The following METRNL variants were observed in gnomAD, a reference collection of about 807,000 sequenced individuals.
METRNL encodes the protein meteorin-like protein.
In METRNL, 9 loss-of-function variants were observed where a neutral mutation model predicts 17.4. The observed-to-expected ratio is 0.52, with a 90% CI of 0.31 to 0.90. METRNL has a LOEUF of 0.90. Among genes scored for constraint, METRNL ranks in the 40% least tolerant of loss-of-function variants. The pLI is 0.05. For missense variants in METRNL, 408 were observed against 430.7 expected, an observed-to-expected ratio of 0.95 and a Z score of 0.47; for synonymous variants, 215 against 199.3, an observed-to-expected ratio of 1.08 and a Z score of -0.66.
intron 2 of METRNL, among the ~76,000 whole-genome samples, chr17:83,086,262 C>G (rs1191031653): frequency 1.3e-5 from 2 of 152,208 alleles, no homozygotes; most frequent in African/African-American, 2.4e-5. Context: ...TCTCTGAAAT[C>G]TCTCCCAGGT....
chr17:83,080,667 C>T (rs2037974860), intron 1 of METRNL, among the ~76,000 whole-genome samples: 4 of 146,808 alleles, frequency 2.7e-5, no homozygotes, highest in Admixed American at 1.3e-4. Flanking sequence ...CCGCGACTGC[C>T]CCTCGGGAGC....
intron 3 of METRNL, among the ~76,000 whole-genome samples, chr17:83,093,975 G>A (rs2038171316): frequency 6.6e-6 from 1 of 152,244 alleles, no homozygotes; most frequent in Admixed American, 6.5e-5. Flanking sequence ...GGCACCCTGT[G>A]TATCAGCTGG....
At chr17:83,085,457 G>C in intron 2 of METRNL, 134 bp downstream of exon 2, 1 of 1,246,888 alleles carries the variant, frequency 8.0e-7, no homozygotes, top group Non-Finnish European at 1.1e-6. Flanking sequence ...CTGTGCTTCG[G>C]ACATGACTGT....
At chr17:83,085,734 G>A (rs960329219) in intron 2 of METRNL, among the ~76,000 whole-genome samples, 1 of 152,342 alleles carries the variant, frequency 6.6e-6, no homozygotes, top group Admixed American at 6.5e-5. Flanking sequence ...TGTGGCGGCC[G>A]GGCCAGTGCT....
intron 1 of METRNL, among the ~76,000 whole-genome samples, chr17:83,082,847 A>G (rs2038005521): frequency 1.3e-5 from 2 of 152,224 alleles, no homozygotes; most frequent in Non-Finnish European, 1.5e-5. Flanking sequence ...TTTTGTCTAC[A>G]CGGGTCTTGC....
chr17:83,090,562 G>C (rs1312604984), intron 2 of METRNL, among the ~76,000 whole-genome samples: 1 of 133,660 alleles, frequency 7.5e-6, no homozygotes, highest in Non-Finnish European at 1.6e-5. Context: ...TGGACTTCCG[G>C]CACCTCCTGC....
chr17:83,093,700 C>T (rs1212605860), intron 3 of METRNL, among the ~76,000 whole-genome samples: 1 of 152,198 alleles, frequency 6.6e-6, no homozygotes, highest in Admixed American at 6.5e-5. Context: ...GCTCCAGCCC[C>T]TTTGCTTGTG....
At chr17:83,089,142 G>C (rs534701353) in intron 2 of METRNL, among the ~76,000 whole-genome samples, 1 of 152,108 alleles carries the variant, frequency 6.6e-6, no homozygotes, top group Non-Finnish European at 1.5e-5. Context: ...CGGCCGCAGC[G>C]CGACGGTGAT....
chr17:83,079,678 C>G lies in METRNL; in HGVS notation c.-138C>G, dbSNP rs2143600134. On this transcript the variant is annotated 5_prime_UTR_variant, in exon 1 of 4. Transcript: ENST00000320095. Reference sequence around the variant, plus strand: ...CCAGCGGGCCGGGATGGGCGGGCGGCCGCGCGGAGGACGCGGGGGGCGCGC... The same window carrying G: ...CCAGCGGGCCGGGATGGGCGGGCGGGCGCGCGGAGGACGCGGGGGGCGCGC... 1 of 218,142 alleles carries G rather than the reference C, an allele frequency of 4.6e-6. No individual in the cohort carries two copies. Among genetic ancestry groups the G allele is most frequent in the Non-Finnish European group, 7.6e-6 (1 of 131,416 alleles). 13.5% of individuals were successfully genotyped at this position (218,142 alleles called of 1,614,324 possible). A position where few individuals can be genotyped will look rare whatever the true frequency, so the allele number is the denominator to read the frequency against.
At chr17:83,090,139 C>CACACA (rs1568338518) in intron 2 of METRNL, among the ~76,000 whole-genome samples, 1 of 143,296 alleles carries the variant, frequency 7.0e-6, no homozygotes. Flanking sequence ...GAGCCACACA[C>CACACA]CCCCGCCCCG....
At position 83,094,562 on chromosome 17, in the gene METRNL, T is replaced by C. The variant is rs1232209500; in HGVS notation, c.923T>C (p.Val308Ala). 3 of 1,482,916 alleles carry C rather than the reference T, an allele frequency of 2.0e-6. No homozygotes were observed. Among genetic ancestry groups the C allele is most frequent in the South Asian group, 1.4e-5 (1 of 71,478 alleles). The allele number at this position is 1,482,916 out of a possible 1,614,324, so 91.9% of individuals were successfully genotyped here. A position where few individuals can be genotyped will look rare whatever the true frequency, so the allele number is the denominator to read the frequency against. ...AQERGLNPCE[V>A]GTD The stretch of plus-strand genomic sequence containing the variant: ...GAGAGGGGGCTGAACCCTTGTGAGG[T>C]TGGCACGGACTGACTCCGTGGGCCG... Residue 308 changes from valine to alanine, a missense_variant, in exon 4 of 4, where the codon GTT (valine) becomes GCT (alanine). Coordinates refer to ENST00000320095, the MANE Select transcript of METRNL (RefSeq NM_001004431.3).
Position 83,093,182 on chromosome 17 carries a change from G to A in METRNL, c.572G>A (p.Cys191Tyr). The A allele has an allele frequency of 6.2e-7, 1 of 1,608,284 alleles. No individual in the cohort carries two copies. Residue 191 changes from cysteine to tyrosine, a missense_variant, in exon 3 of 4, where the codon TGC becomes TAC. By Grantham distance (194) the Cys-to-Tyr change is radical. Coordinates refer to ENST00000320095, the MANE Select transcript of METRNL (RefSeq NM_001004431.3). ...LHELSAPCRP[C>Y]SDTEVLLAVC... ...TCTTCTCCAGCGCCGTGCCGTCCCT[G>A]CAGTGACACCGAGGTGCTCCTAGCC... is the stretch of plus-strand genomic sequence containing the variant.
intron 2 of METRNL, chr17:83,092,418 G>A (rs372800950): frequency 2.6e-4 from 40 of 152,380 alleles, no homozygotes; most frequent in Admixed American, 6.5e-4. Flanking sequence ...CTGCCGTCGC[G>A]ACCCAGGGAA....
chr17:83,093,120 A>C (rs1483592907), intron 2 of METRNL, 47 bp from the exon 3 acceptor site: 1 of 1,556,072 alleles, frequency 6.4e-7, no homozygotes, highest in East Asian at 2.2e-5. Flanking sequence ...GGCGTTCCAG[A>C]GCCTGTCCCG....
At chr17:83,081,130 G>A (rs1298240952) in intron 1 of METRNL, among the ~76,000 whole-genome samples, 2 of 151,812 alleles carry the variant, frequency 1.3e-5, no homozygotes, top group African/African-American at 4.8e-5. Context: ...CGGCTGTCCC[G>A]GGAGCGGCCG....
chr17:83,085,217 C>T lies in METRNL; in HGVS notation c.450C>T (p.Gly150=), dbSNP rs777143731. The T allele has an allele frequency of 1.9e-6, 3 of 1,602,454 alleles. No homozygotes were observed. The highest frequency in any genetic ancestry group is 2.6e-6 in the Non-Finnish European group (3 of 1,173,220). ...RVQCFGLEQG[G]LFVEATPQQD... ...AGTGTTTTGGCCTGGAGCAGGGCGG[C>T]CTGTTCGTGGAGGCCACGCCGCAGC... The change falls in exon 2 of 4, where the codon GGC becomes GGT. Residue 150 remains glycine, a synonymous_variant. Coordinates refer to ENST00000320095, the MANE Select transcript of METRNL (RefSeq NM_001004431.3).
intron 1 of METRNL, chr17:83,082,368 C>T (rs934708098): frequency 4.1e-6 from 2 of 493,640 alleles, no homozygotes; most frequent in Non-Finnish European, 5.3e-6. Flanking sequence ...AGTGCACCTG[C>T]GCCCCCCTTC....
chr17:83,094,467 C>A lies in METRNL; in HGVS notation c.828C>A (p.His276Gln). 1 of 1,588,290 alleles carries A rather than the reference C, an allele frequency of 6.3e-7. No homozygotes were observed. The highest frequency in any genetic ancestry group is 8.6e-7 in the Non-Finnish European group (1 of 1,161,368). ...HGDFLFTGHMHFGEARLGCAP... is the reference protein window; with the variant it reads ...HGDFLFTGHMQFGEARLGCAP... ...ACTTCCTCTTCACTGGCCACATGCA[C>A]TTCGGGGAGGCGCGGCTCGGCTGTG... The change falls in exon 4 of 4, where the codon CAC becomes CAA. Residue 276 changes from histidine (H) to glutamine (Q), a missense_variant. By Grantham distance (24) the His-to-Gln change is conservative. Transcript: ENST00000320095.
chr17:83,088,029 TGAGACACGCC>T (rs1232096314), intron 2 of METRNL, among the ~76,000 whole-genome samples: 1 of 152,090 alleles, frequency 6.6e-6, no homozygotes, highest in African/African-American at 2.4e-5. Context: ...TTGAGTAAAC[TGAGACACGCC>T]GATGACCAAG....
Sources: gnomAD v4.1 joint callset for allele counts (sites outside exome capture counted in the v4.1 genomes callset) on GRCh38, gnomAD v4.1.1 for gene constraint, MANE v1.5 for transcripts, NCBI Gene and HGNC (gene_info 2026-07-23, HGNC 2026-07-21) for gene names.